Variants in HRH3 observed in about 807,000 individuals in gnomAD.
HRH3 encodes histamine receptor H3, also known as histamine H3 receptor.
HRH3 carries 13 observed loss-of-function variants against 21.6 expected under a neutral mutation model. That is an observed-to-expected ratio of 0.60 (90% confidence interval 0.39 to 0.96). The LOEUF is 0.96. Among genes scored for constraint, HRH3 ranks in the 40% least tolerant of loss-of-function variants. The pLI is 0.00. For synonymous variants in HRH3, 276 were observed against 290.3 expected (o/e 0.95, Z 0.50); for missense variants, 461 against 622.7 (o/e 0.74, Z 2.76).
In HRH3 at chr20:62,216,741, C is replaced by T. The variant is rs191004409; in HGVS notation, c.603G>A (p.Thr201=). The change falls in exon 3 of 3, where the codon ACG becomes ACA. Residue 201 remains threonine, a synonymous_variant. Coordinates refer to ENST00000340177, the MANE Select transcript of HRH3 (RefSeq NM_007232.3). ...GCGTAAAGAACTCCAGGGTGGAAGCCGTGATGAGGAAGTACCAGTTGTAGA... is the reference window on the plus strand; with the variant it reads ...GCGTAAAGAACTCCAGGGTGGAAGCTGTGATGAGGAAGTACCAGTTGTAGA... ...EFFYNWYFLI[T]ASTLEFFTPF... The T allele has an allele frequency of 1.7e-5, 28 of 1,613,278 alleles. No homozygotes were observed. Among genetic ancestry groups the T allele is most frequent in the East Asian group, 6.7e-5 (3 of 44,878 alleles).
rs1018849630 is a variant in HRH3, at chr20:62,218,015, T to C, written c.417+476A>G. On this transcript the variant is annotated intron_variant, in intron 2 of 2. Transcript: ENST00000340177. This position sits in a 1 kb window ranked among gnomAD's most constrained non-coding sequence, Gnocchi z 5.6. ...TTCAGCAGCGGCTCCCTGGGCTGCA[T>C]GGCCCCGATGCGGGAGCCTGGGTGG... Among the ~76,000 whole-genome samples, 4 of 152,160 alleles carry C rather than the reference T, an allele frequency of 2.6e-5. No individual in the cohort carries two copies. Among genetic ancestry groups the C allele is most frequent in the African/African-American group, 7.2e-5 (3 of 41,448 alleles).
chr20:62,216,402 A>G lies in HRH3; in HGVS notation c.942T>C (p.Thr314=), dbSNP rs765630823. The change falls in exon 3 of 3, where the codon ACT becomes ACC. Residue 314 remains threonine (T), a synonymous_variant. Coordinates refer to ENST00000340177, the MANE Select transcript of HRH3 (RefSeq NM_007232.3). The stretch of plus-strand genomic sequence containing the variant: ...CCCTCTTGAGTGAGCGCGGCCTCTC[A>G]GTGCCCCTCGAGGAGCTGCCGGAGC... ...TSSSGSSSRG[T]ERPRSLKRGS... The G allele has an allele frequency of 2.9e-5, 44 of 1,543,464 alleles. No individual in the cohort carries two copies. The African/African-American group carries it at 5.2e-4, about 18-fold the overall frequency.
Position 62,218,444 on chromosome 20 carries a change from C to A in HRH3, c.417+47G>T. 1 of 1,587,676 alleles carries A rather than the reference C, an allele frequency of 6.3e-7. No individual in the cohort carries two copies. Among genetic ancestry groups the A allele is most frequent in the South Asian group, 1.1e-5 (1 of 88,742 alleles). On this transcript the variant is annotated intron_variant, in intron 2 of 2. Transcript: ENST00000340177. The surrounding 1 kb of genome is among the most constrained non-coding windows in gnomAD (Gnocchi z 5.6). ...ACCCAGGTGCCTCCCATGGGCGTCC[C>A]GACTGTCCCTGCGGAGTGAACAGGA...
chr20:62,220,061 T>C lies in HRH3; in HGVS notation c.-91A>G, dbSNP rs1296679990. The C allele has an allele frequency of 1.0e-6, 1 of 964,812 alleles. No homozygotes were observed. Among genetic ancestry groups the C allele is most frequent in the Non-Finnish European group, 1.2e-6 (1 of 812,934 alleles). 59.8% of individuals were successfully genotyped at this position (964,812 alleles called of 1,614,324 possible). A position where few individuals can be genotyped will look rare whatever the true frequency, so the allele number is the denominator to read the frequency against. ...GAGGGGCCCCGGCCCGGGAGCCTCG[T>C]CTTTGCGGGCCCTTGGCCGGGTCGG... is the stretch of plus-strand genomic sequence containing the variant. On this transcript the variant is annotated 5_prime_UTR_variant, in exon 1 of 3. Coordinates refer to ENST00000340177, the MANE Select transcript of HRH3 (RefSeq NM_007232.3).
chr20:62,215,505 AAAGGGC>A lies in HRH3; in HGVS notation c.*495_*500del. The A allele has an allele frequency of 4.4e-6, 2 of 457,270 alleles. No individual in the cohort carries two copies. Among genetic ancestry groups the A allele is most frequent in the South Asian group, 3.1e-5 (2 of 64,542 alleles). The allele number at this position is 457,270 out of a possible 1,614,324, so 28.3% of individuals were successfully genotyped here. A position where few individuals can be genotyped will look rare whatever the true frequency, so the allele number is the denominator to read the frequency against. On this transcript the variant is annotated 3_prime_UTR_variant, in exon 3 of 3. Transcript: ENST00000340177. ...GAGAGAGTTGGTGGGAAGAGGGGTG[AAAGGGC>A]CAGGCCTGAGGCTTATGCAAGAGAC...
chr20:62,215,292 G>A lies in HRH3; in HGVS notation c.*714C>T, dbSNP rs1473908936. ...GCCGGAAGCCTTAGCGGAGGGAGGA[G>A]GGCGTGGGAGCCCACACCTGCCAAT... On this transcript the variant is annotated 3_prime_UTR_variant, in exon 3 of 3. Coordinates refer to ENST00000340177, the MANE Select transcript of HRH3 (RefSeq NM_007232.3). The A allele has an allele frequency of 4.4e-6, 2 of 455,428 alleles. No homozygotes were observed. The highest frequency in any genetic ancestry group is 2.0e-5 in the African/African-American group (1 of 50,068). 28.2% of individuals were successfully genotyped at this position (455,428 alleles called of 1,614,324 possible). A position where few individuals can be genotyped will look rare whatever the true frequency, so the allele number is the denominator to read the frequency against.
At position 62,215,759 on chromosome 20, in the gene HRH3, T is replaced by C; in HGVS notation, c.*247A>G. The C allele has an allele frequency of 1.8e-6, 1 of 556,704 alleles. No individual in the cohort carries two copies. Among genetic ancestry groups the C allele is most frequent in the Non-Finnish European group, 3.2e-6 (1 of 310,472 alleles). The allele number at this position is 556,704 out of a possible 1,614,324, so 34.5% of individuals were successfully genotyped here. A position where few individuals can be genotyped will look rare whatever the true frequency, so the allele number is the denominator to read the frequency against. ...ATGTCTGGGACCTCCAGACTGTCCCTCCCGGTGGAGCCAGAATGTGGGGGG... is the reference window on the plus strand; with the variant it reads ...ATGTCTGGGACCTCCAGACTGTCCCCCCCGGTGGAGCCAGAATGTGGGGGG... On this transcript the variant is annotated 3_prime_UTR_variant, in exon 3 of 3. Transcript: ENST00000340177.
rs1419532045 is a variant in HRH3 at position 62,220,235 on chromosome 20, G to A, written c.-265C>T. ...GAGAGGAGCCGGAGCCTGAGCCGCTGCCGGTGCGACCGTGCAGCCGGAGCG... is the reference window on the plus strand; with the variant it reads ...GAGAGGAGCCGGAGCCTGAGCCGCTACCGGTGCGACCGTGCAGCCGGAGCG... On this transcript the variant is annotated 5_prime_UTR_variant, in exon 1 of 3. Coordinates refer to ENST00000340177, the MANE Select transcript of HRH3 (RefSeq NM_007232.3). 3 of 153,092 alleles carry A rather than the reference G, an allele frequency of 2.0e-5. No homozygotes were observed. Among genetic ancestry groups the A allele is most frequent in the Admixed American group, 6.7e-5 (1 of 14,892 alleles). The allele number at this position is 153,092 out of a possible 1,614,324, so 9.5% of individuals were successfully genotyped here. A position where few individuals can be genotyped will look rare whatever the true frequency, so the allele number is the denominator to read the frequency against.
rs879029878 is a variant in HRH3, at chr20:62,219,601, G to T, written c.250+120C>A. ...TGGGCTCCGGACGCCCCCTTCCCAG[G>T]CCGGGTCCCCTGGTGGGGCGTGTGC... On this transcript the variant is annotated intron_variant, in intron 1 of 2. Transcript: ENST00000340177. This position sits in a 1 kb window ranked among gnomAD's most constrained non-coding sequence, Gnocchi z 8.7. The T allele has an allele frequency of 7.6e-7, 1 of 1,315,982 alleles. No homozygotes were observed. The highest frequency in any genetic ancestry group is 1.4e-5 in the South Asian group (1 of 69,744). 81.5% of individuals were successfully genotyped at this position (1,315,982 alleles called of 1,614,324 possible).
chr20:62,216,100 C>T lies in HRH3; in HGVS notation c.1244G>A (p.Cys415Tyr), dbSNP rs1978530593. 6.2e-7 allele frequency: 1 copy of T among 1,612,356 alleles called. No individual in the cohort carries two copies. The highest frequency in any genetic ancestry group is 8.5e-7 in the Non-Finnish European group (1 of 1,179,674). Residue 415 changes from cysteine to tyrosine, a missense_variant, in exon 3 of 3, where the codon TGC becomes TAC. This residue lies in a region of HRH3 where 102 missense variants were observed against 166.6 expected (regional missense o/e 0.61). Coordinates refer to ENST00000340177, the MANE Select transcript of HRH3 (RefSeq NM_007232.3). ...GAAGGCCCGGCGGAAGCTGTGGTGG[C>T]ACAGAGGGTAGAGGACAGGGTTGAC... Reference protein sequence around the residue: ...SAVNPVLYPLCHHSFRRAFTK... With the variant: ...SAVNPVLYPLYHHSFRRAFTK...
Position 62,219,784 on chromosome 20 carries a change from A to G in HRH3, c.187T>C (p.Ser63Pro). The change falls in exon 1 of 3, where the codon TCG (serine) becomes CCG (proline). Residue 63 changes from serine (S) to proline (P), a missense_variant. Physicochemically the swap from Ser to Pro is moderately conservative, Grantham distance 74 (BLOSUM62 -1). This residue lies in a region of HRH3 where 102 missense variants were observed against 155.6 expected (regional missense o/e 0.66). Transcript: ENST00000340177. The surrounding 1 kb of genome is among the most constrained non-coding windows in gnomAD (Gnocchi z 8.7). ...ALVMLAFVAD[S>P]SLRTQNNFFL... ...AAGTTGTTCTGGGTGCGGAGGCTCG[A>G]GTCGGCCACGAAGGCGAGCATGACC... 1 of 1,606,032 alleles carries G rather than the reference A, an allele frequency of 6.2e-7. No homozygotes were observed. Among genetic ancestry groups the G allele is most frequent in the Non-Finnish European group, 8.5e-7 (1 of 1,176,688 alleles).
In HRH3 at chr20:62,216,928, T is replaced by A; in HGVS notation, c.418-2A>T. The A allele has an allele frequency of 6.3e-7, 1 of 1,595,072 alleles. No homozygotes were observed. The highest frequency in any genetic ancestry group is 8.6e-7 in the Non-Finnish European group (1 of 1,168,874). On this transcript the variant is annotated splice_acceptor_variant, in intron 2 of 2. Transcript: ENST00000340177. LOFTEE classifies it high-confidence loss of function. ...ACCCTGCTGGGCCCGGTATGAGACCTGCAGAAGGGCAGGCTGGTCAGGGGC... is the reference window on the plus strand; with the variant it reads ...ACCCTGCTGGGCCCGGTATGAGACCAGCAGAAGGGCAGGCTGGTCAGGGGC...
In HRH3 at chr20:62,216,801, G is replaced by A; in HGVS notation, c.543C>T (p.Ser181=). 6.2e-7 allele frequency: 1 copy of A among 1,613,010 alleles called. No individual in the cohort carries two copies. Among genetic ancestry groups the A allele is most frequent in the Non-Finnish European group, 8.5e-7 (1 of 1,179,986 alleles). The change falls in exon 3 of 3, where the codon AGC becomes AGT. Residue 181 remains serine (S), a synonymous_variant. Transcript: ENST00000340177. The part of the protein sequence containing the change: ...ILSWEYLSGG[S]SIPEGHCYAE... Reference sequence around the variant, plus strand: ...CATAGCAGTGGCCCTCGGGGATGGAGCTGCCCCCGGACAGGTACTCCCAGC... The same window carrying A: ...CATAGCAGTGGCCCTCGGGGATGGAACTGCCCCCGGACAGGTACTCCCAGC...
chr20:62,217,579 G>A (rs1978630951), intron 2 of HRH3, among the ~76,000 whole-genome samples: 1 of 152,138 alleles, frequency 6.6e-6, no homozygotes, highest in Non-Finnish European at 1.5e-5. Context: ...GGGCAGGAGG[G>A]CCAAGGGATC....
Position 62,219,223 on chromosome 20 carries a change from C to T in HRH3, c.250+498G>A, listed in dbSNP as rs1358552971. 2.6e-5 allele frequency among the ~76,000 whole-genome samples: 4 copies of T among 152,028 alleles called. 1 individual carries two copies. The highest frequency in any genetic ancestry group is 5.9e-5 in the Non-Finnish European group (4 of 67,962). On this transcript the variant is annotated intron_variant, in intron 1 of 2. Transcript: ENST00000340177. This position sits in a 1 kb window ranked among gnomAD's most constrained non-coding sequence, Gnocchi z 8.7. ...AGGTGTCTGGCGCTCCAGCCCCCTC[C>T]GCGTGCCCCGCCCCCCAGCCGGCAG...
chr20:62,220,173 G>T lies in HRH3; in HGVS notation c.-203C>A. ...TGCCGAGGGGGCCGGGGCCGGATCC[G>T]AGCCCAGTGGGGCCGGCAGCGCGGC... On this transcript the variant is annotated 5_prime_UTR_variant, in exon 1 of 3. Transcript: ENST00000340177. 4.3e-6 allele frequency: 1 copy of T among 230,926 alleles called. No homozygotes were observed. The highest frequency in any genetic ancestry group is 7.1e-6 in the Non-Finnish European group (1 of 141,514). 14.3% of individuals were successfully genotyped at this position (230,926 alleles called of 1,614,324 possible).
chr20:62,219,740 G>A lies in HRH3; in HGVS notation c.231C>T (p.Ala77=). 6.2e-7 allele frequency: 1 copy of A among 1,602,612 alleles called. No homozygotes were observed. The highest frequency in any genetic ancestry group is 2.3e-5 in the East Asian group (1 of 44,148). The change falls in exon 1 of 3, where the codon GCC becomes GCT. Residue 77 remains alanine (A), a synonymous_variant. Coordinates refer to ENST00000340177, the MANE Select transcript of HRH3 (RefSeq NM_007232.3). The surrounding 1 kb of genome is among the most constrained non-coding windows in gnomAD (Gnocchi z 8.7). ...TQNNFFLLNL[A]ISDFLVGAFC... is the part of the protein sequence containing the mutation. Reference sequence around the variant, plus strand: ...ATTTACCGACGAGGAAGTCGGAGATGGCGAGGTTGAGCAGGAAGAAGTTGT... The same window carrying A: ...ATTTACCGACGAGGAAGTCGGAGATAGCGAGGTTGAGCAGGAAGAAGTTGT...
Position 62,220,069 on chromosome 20 carries a change from G to C in HRH3, c.-99C>G. 5.2e-6 allele frequency: 5 copies of C among 956,688 alleles called. No individual in the cohort carries two copies. Among genetic ancestry groups the C allele is most frequent in the Non-Finnish European group, 6.2e-6 (5 of 805,250 alleles). The allele number at this position is 956,688 out of a possible 1,614,324, so 59.3% of individuals were successfully genotyped here. A position where few individuals can be genotyped will look rare whatever the true frequency, so the allele number is the denominator to read the frequency against. Reference sequence around the variant, plus strand: ...CCGGCCCGGGAGCCTCGTCTTTGCGGGCCCTTGGCCGGGTCGGGTTCCCCT... The same window carrying C: ...CCGGCCCGGGAGCCTCGTCTTTGCGCGCCCTTGGCCGGGTCGGGTTCCCCT... On this transcript the variant is annotated 5_prime_UTR_variant, in exon 1 of 3. Coordinates refer to ENST00000340177, the MANE Select transcript of HRH3 (RefSeq NM_007232.3).
At position 62,218,348 on chromosome 20, in the gene HRH3, G is replaced by T; in HGVS notation, c.417+143C>A. ...CGAGTGGGCAGCTGGCCGTCGAGTG[G>T]CCCATGTGTCAGCAGCAAAGCCAGT... On this transcript the variant is annotated intron_variant, in intron 2 of 2. Coordinates refer to ENST00000340177, the MANE Select transcript of HRH3 (RefSeq NM_007232.3). This position sits in a 1 kb window ranked among gnomAD's most constrained non-coding sequence, Gnocchi z 5.6. 1.1e-6 allele frequency: 1 copy of T among 941,126 alleles called. No individual in the cohort carries two copies. Among genetic ancestry groups the T allele is most frequent in the Non-Finnish European group, 1.6e-6 (1 of 638,526 alleles). 58.3% of individuals were successfully genotyped at this position (941,126 alleles called of 1,614,324 possible).
Sources: allele counts gnomAD v4.1 joint callset (sites outside exome capture counted in the v4.1 genomes callset), GRCh38; gene constraint gnomAD v4.1.1; regional missense constraint gnomAD v4.1.1; non-coding constraint Gnocchi (gnomAD v3.1); transcripts MANE v1.5; gene names NCBI Gene and HGNC (gene_info 2026-07-23, HGNC 2026-07-21).